The following ZNF726 variants were observed in gnomAD, a reference collection of about 807,000 sequenced individuals.
ZNF726 encodes zinc finger protein 92 pseudogene 3.
Under a neutral mutation model 11.6 loss-of-function variants are expected in ZNF726, and 15 were observed. The observed-to-expected ratio is 1.29, with a 90% CI of 0.86 to 1.99. The LOEUF (loss-of-function observed/expected upper bound fraction) is 1.99. ZNF726 is among the 30% of genes most tolerant of loss of function. ZNF726 has a pLI of 0.00. For missense variants in ZNF726, 890 were observed against 725.6 expected (o/e 1.23, Z -2.60); for synonymous variants, 295 against 243.6 (o/e 1.21, Z -1.96).
chr19:23,933,153 G>A lies in ZNF726; in HGVS notation c.1037G>A (p.Cys346Tyr). 6.2e-7 allele frequency: 1 copy of A among 1,600,550 alleles called. No individual in the cohort carries two copies. Among genetic ancestry groups the A allele is most frequent in the Non-Finnish European group, 8.5e-7 (1 of 1,173,450 alleles). The change falls in exon 4 of 4, where the codon TGT (cysteine) becomes TAT (tyrosine). Residue 346 changes from cysteine to tyrosine, a missense_variant. Physicochemically the swap from Cys to Tyr is radical, Grantham distance 194. Transcript: ENST00000594466. ...SGEKPYKCEE[C>Y]AKAFSQFGHL... ...GAGAAACCCTACAAATGTGAAGAAT[G>A]TGCCAAAGCTTTTAGCCAATTCGGA...
intron 3 of ZNF726, chr19:23,923,974 A>G (rs1400700188): frequency 6.6e-6 from 1 of 151,942 alleles, no homozygotes; most frequent in Non-Finnish European, 1.5e-5. Flanking sequence ...AATTATATAT[A>G]TGTGTGTGTG....
At chr19:23,915,419 T>A (rs1967673689) in intron 1 of ZNF726, among the ~76,000 whole-genome samples, 1 of 152,190 alleles carries the variant, frequency 6.6e-6, no homozygotes, top group Non-Finnish European at 1.5e-5. Context: ...AAACATTAAA[T>A]AATTTAAAGT....
chr19:23,937,137 G>A (rs569447676), downstream of ZNF726, among the ~76,000 whole-genome samples: 970 of 146,602 alleles, frequency 6.6e-3, 12 homozygotes, highest in African/African-American at 0.023. Context: ...GGGCGGGGGG[G>A]CTGACCCCCC....
chr19:23,943,643 A>C (rs1968373277), intron 4 of ZNF726: 1 of 540,984 alleles, frequency 1.8e-6, no homozygotes, highest in Non-Finnish European at 3.4e-6. Context: ...AAAGGTCAAA[A>C]AGAATGCCAG....
downstream of ZNF726, among the ~76,000 whole-genome samples, chr19:23,939,462 T>C (rs1007658028): frequency 6.6e-6 from 1 of 152,182 alleles, no homozygotes; most frequent in Non-Finnish European, 1.5e-5. Context: ...TAATCAGTAT[T>C]TGGGTTTATT....
At chr19:23,925,819 C>T (rs532372723) in intron 3 of ZNF726, among the ~76,000 whole-genome samples, 1 of 149,830 alleles carries the variant, frequency 6.7e-6, no homozygotes, top group Admixed American at 6.7e-5. Flanking sequence ...TGGGTTCAAG[C>T]GATTCTCCCA....
intron 3 of ZNF726, among the ~76,000 whole-genome samples, chr19:23,940,148 G>C (rs1206705853): frequency 6.6e-6 from 1 of 152,040 alleles, no homozygotes; most frequent in Admixed American, 6.6e-5. Flanking sequence ...TATAGTTTCA[G>C]GTCTTAGGTT....
downstream of ZNF726, chr19:23,935,694 G>A (rs1253351422): frequency 2.0e-5 from 5 of 249,506 alleles, no homozygotes; most frequent in Admixed American, 2.5e-4. Context: ...ATTTATACTG[G>A]AAAAAACTAC....
At chr19:23,940,839 G>A (rs557985049) in intron 3 of ZNF726, among the ~76,000 whole-genome samples, 1 of 152,222 alleles carries the variant, frequency 6.6e-6, no homozygotes, top group South Asian at 2.1e-4. Flanking sequence ...CGTTAATCTT[G>A]TATCCAGAAA....
chr19:23,914,950 G>A lies in ZNF726; in HGVS notation c.-45G>A. On this transcript the variant is annotated 5_prime_UTR_variant, in exon 1 of 4. Coordinates refer to ENST00000594466, the MANE Select transcript of ZNF726 (RefSeq NM_001244038.2). Reference sequence around the variant, plus strand: ...TACTCTGTGTCTTCTGCTTTTAGGGGCGCAGCCTCTGTGGCCCTGTGACCT... The same window carrying A: ...TACTCTGTGTCTTCTGCTTTTAGGGACGCAGCCTCTGTGGCCCTGTGACCT... The A allele has an allele frequency of 6.2e-7, 1 of 1,613,122 alleles. No homozygotes were observed. The highest frequency in any genetic ancestry group is 8.5e-7 in the Non-Finnish European group (1 of 1,179,916).
chr19:23,935,329 C>T (rs745588702), downstream of ZNF726: 1 of 524,984 alleles, frequency 1.9e-6, no homozygotes, highest in Non-Finnish European at 3.8e-6. Context: ...TTTTTCTGGT[C>T]CTCAGCCCTA....
At chr19:23,922,194 A>G (rs1017885981) in intron 3 of ZNF726, among the ~76,000 whole-genome samples, 3 of 152,166 alleles carry the variant, frequency 2.0e-5, no homozygotes, top group African/African-American at 7.2e-5. Context: ...ATCCTTCAGG[A>G]CTTTGCTCTG....
intron 3 of ZNF726, among the ~76,000 whole-genome samples, chr19:23,929,446 C>T (rs974607435): frequency 5.9e-5 from 9 of 152,118 alleles, no homozygotes; most frequent in Admixed American, 1.3e-4. Flanking sequence ...TGGTGGCAGA[C>T]AAGAGAGGGA....
In ZNF726 at chr19:23,932,606, A is replaced by G. The variant is rs1306265048; in HGVS notation, c.490A>G (p.Lys164Glu). 1.3e-6 allele frequency: 2 copies of G among 1,537,146 alleles called. No individual in the cohort carries two copies. The highest frequency in any genetic ancestry group is 4.9e-5 in the East Asian group (2 of 41,014). Reference sequence around the variant, plus strand: ...TAAATTTATAAATTTAAACAGATATAAGATAAGACATACTAGAAAGAAACC... The same window carrying G: ...TAAATTTATAAATTTAAACAGATATGAGATAAGACATACTAGAAAGAAACC... ...FYKFINLNRY[K>E]IRHTRKKPFK... Residue 164 changes from lysine to glutamate, a missense_variant, in exon 4 of 4, where the codon AAG (lysine) becomes GAG (glutamate). Lys to Glu is a moderately conservative substitution (Grantham distance 56, BLOSUM62 1). Coordinates refer to ENST00000594466, the MANE Select transcript of ZNF726 (RefSeq NM_001244038.2).
In ZNF726 at chr19:23,933,705, T is replaced by G; in HGVS notation, c.1589T>G (p.Ile530Ser). The G allele has an allele frequency of 6.2e-7, 1 of 1,612,384 alleles. No individual in the cohort carries two copies. Among genetic ancestry groups the G allele is most frequent in the South Asian group, 1.1e-5 (1 of 91,066 alleles). The change falls in exon 4 of 4, where the codon ATT (isoleucine) becomes AGT (serine). Residue 530 changes from isoleucine to serine, a missense_variant. Physicochemically the swap from Ile to Ser is moderately radical, Grantham distance 142 (BLOSUM62 -2). Transcript: ENST00000594466. ...TCGACCCTATCTAAACATAAGAGGA[T>G]TCACACTGGAGAGAAACCCTACAAA... is the stretch of plus-strand genomic sequence containing the variant. ...LSSTLSKHKR[I>S]HTGEKPYKCE... is the part of the protein sequence containing the mutation.
downstream of ZNF726, chr19:23,935,544 C>G: frequency 2.8e-6 from 1 of 353,904 alleles, no homozygotes; most frequent in Admixed American, 3.7e-5. Context: ...AGAAACTCTA[C>G]AAATCTGAAA....
chr19:23,917,926 A>C (rs966564604), intron 1 of ZNF726, among the ~76,000 whole-genome samples: 3 of 152,214 alleles, frequency 2.0e-5, no homozygotes, highest in African/African-American at 7.2e-5. Flanking sequence ...GCAGGAACAA[A>C]GGAAAGTAGA....
chr19:23,932,659 A>G lies in ZNF726; in HGVS notation c.543A>G (p.Ser181=), dbSNP rs1490043964. 6.3e-7 allele frequency: 1 copy of G among 1,580,368 alleles called. No homozygotes were observed. ...KPFKCKNCVK[S]FCMFSHKTQH... is the part of the protein sequence containing the mutation. ...TCAAATGTAAAAATTGTGTCAAATCATTTTGCATGTTTTCACACAAAACCC... is the reference window on the plus strand; with the variant it reads ...TCAAATGTAAAAATTGTGTCAAATCGTTTTGCATGTTTTCACACAAAACCC... The change falls in exon 4 of 4, where the codon TCA becomes TCG. Residue 181 remains serine (S), a synonymous_variant. Transcript: ENST00000594466.
At chr19:23,923,077 C>T (rs1056792014) in intron 3 of ZNF726, among the ~76,000 whole-genome samples, 2 of 151,938 alleles carry the variant, frequency 1.3e-5, no homozygotes, top group African/African-American at 2.4e-5. Context: ...AATACGCAGG[C>T]AGGCAAAAAG....
Sources: allele counts gnomAD v4.1 joint callset (sites outside exome capture counted in the v4.1 genomes callset), GRCh38; gene constraint gnomAD v4.1.1; transcripts MANE v1.5; gene names NCBI Gene and HGNC (gene_info 2026-07-23, HGNC 2026-07-21).